Variants in NEK1 observed in about 807,000 individuals in gnomAD.
NEK1 encodes NIMA related kinase 1.
NEK1 carries 137 observed loss-of-function variants against 182.1 expected under a neutral mutation model. That is an observed-to-expected ratio of 0.75 (90% CI 0.65 to 0.87). The LOEUF (loss-of-function observed/expected upper bound fraction) is 0.87. NEK1 is among the 40% of genes least tolerant of loss of function. The pLI is 0.00. For missense variants in NEK1, 1,391 were observed against 1,494.4 expected, an observed-to-expected ratio of 0.93 and a Z score of 1.14; for synonymous variants, 513 against 492.2, an observed-to-expected ratio of 1.04 and a Z score of -0.56.
intron 26 of NEK1, among the ~76,000 whole-genome samples, chr4:169,471,628 T>C (rs1365844018): frequency 6.6e-6 from 1 of 152,180 alleles, no homozygotes; most frequent in African/African-American, 2.4e-5. Flanking sequence ...AGAGGCAGTC[T>C]GTCCCTTAGC....
chr4:169,480,415 C>T (rs1412489448), intron 23 of NEK1, among the ~76,000 whole-genome samples: 2 of 144,082 alleles, frequency 1.4e-5, no homozygotes, highest in Non-Finnish European at 3.0e-5. Context: ...TCAGAGCATA[C>T]AAAATTTATG....
chr4:169,507,894 T>G, intron 21 of NEK1, 102 bp from the exon 22 acceptor site: 1 of 898,956 alleles, frequency 1.1e-6, no homozygotes, highest in Non-Finnish European at 1.7e-6. Context: ...TCTAAAAATA[T>G]AAAATGGAAA....
chr4:169,559,404 C>A (rs943263929), intron 16 of NEK1, among the ~76,000 whole-genome samples: 71 of 152,104 alleles, frequency 4.7e-4, no homozygotes, highest in Middle Eastern at 3.4e-3. Context: ...GTAATAAGTT[C>A]TACTTAAAGG....
At chr4:169,418,864 A>C (rs886713892) in intron 31 of NEK1, among the ~76,000 whole-genome samples, 5 of 152,154 alleles carry the variant, frequency 3.3e-5, no homozygotes, top group Non-Finnish European at 7.4e-5. Flanking sequence ...ATTTAATGAA[A>C]AGTATAAACC....
At chr4:169,608,654 CACA>C (rs1334043930) in intron 2 of NEK1, among the ~76,000 whole-genome samples, 1 of 152,110 alleles carries the variant, frequency 6.6e-6, no homozygotes, top group Non-Finnish European at 1.5e-5. Context: ...GACCAAAAAA[CACA>C]ACAATCCAAA....
At chr4:169,479,006 T>C (rs1747486023) in intron 24 of NEK1, among the ~76,000 whole-genome samples, 1 of 152,172 alleles carries the variant, frequency 6.6e-6, no homozygotes, top group East Asian at 1.9e-4. Context: ...TTTGAATAAA[T>C]GTAAATATGT....
intron 27 of NEK1, among the ~76,000 whole-genome samples, chr4:169,460,287 T>C (rs1209786708): frequency 4.0e-5 from 6 of 151,312 alleles, no homozygotes; most frequent in African/African-American, 1.2e-4. Flanking sequence ...GTCACGATCA[T>C]GGCAGAAGGC....
intron 5 of NEK1, among the ~76,000 whole-genome samples, chr4:169,595,173 CT>C (rs1219125179): frequency 6.6e-6 from 1 of 152,118 alleles, no homozygotes; most frequent in Non-Finnish European, 1.5e-5. Flanking sequence ...TTCTTCAAGA[CT>C]TTTTTGTACA....
In NEK1 at chr4:169,612,451, AGCTACTTGACTGCCACGT is replaced by A. The variant is rs1411031597; in HGVS notation, c.-420_-403del. 1.3e-5 allele frequency: 2 copies of A among 152,260 alleles called. No homozygotes were observed. Among genetic ancestry groups the A allele is most frequent in the African/African-American group, 4.8e-5 (2 of 41,310 alleles). The allele number at this position is 152,260 out of a possible 1,614,324, so 9.4% of individuals were successfully genotyped here. On this transcript the variant is annotated 5_prime_UTR_variant, in exon 1 of 36. Coordinates refer to ENST00000507142, the MANE Select transcript of NEK1 (RefSeq NM_001199397.3). Reference sequence around the variant, plus strand: ...GGACGGGCGGCGTTCGGGACTGGGAAGCTACTTGACTGCCACGTGCTCCTGCCTCGCAACAGCGGCTCT... The same window carrying A: ...GGACGGGCGGCGTTCGGGACTGGGAAGCTCCTGCCTCGCAACAGCGGCTCT...
intron 18 of NEK1, among the ~76,000 whole-genome samples, chr4:169,542,552 T>G (rs1759637304): frequency 6.6e-6 from 1 of 152,214 alleles, no homozygotes; most frequent in Non-Finnish European, 1.5e-5. Context: ...GCATTTCTAG[T>G]TCTAGATCCT....
chr4:169,439,599 C>A (rs1268592096), intron 27 of NEK1, among the ~76,000 whole-genome samples: 1 of 152,062 alleles, frequency 6.6e-6, no homozygotes, highest in Admixed American at 6.6e-5. Context: ...GATACCATAT[C>A]GCATTATTAT....
In NEK1 at chr4:169,508,778, T is replaced by C; in HGVS notation, c.1740A>G (p.Lys580=). Residue 580 remains lysine (K), a synonymous_variant, in exon 20 of 36, where the codon AAA becomes AAG. Transcript: ENST00000507142. ...CATGCGGGAAGCATACCTCTTCCTCTTTGTTTCTTGGCTTCCCTCCTCTTG... is the reference window on the plus strand; with the variant it reads ...CATGCGGGAAGCATACCTCTTCCTCCTTGTTTCTTGGCTTCCCTCCTCTTG... ...SSSRGGKPRN[K]EEEVYLARLR... is the part of the protein sequence containing the mutation. 6.3e-7 allele frequency: 1 copy of C among 1,581,774 alleles called. No homozygotes were observed. Among genetic ancestry groups the C allele is most frequent in the Non-Finnish European group, 8.5e-7 (1 of 1,171,238 alleles).
intron 35 of NEK1, among the ~76,000 whole-genome samples, chr4:169,396,402 A>AAAAAAAAT (rs1730728991): frequency 6.8e-6 from 1 of 146,684 alleles, no homozygotes; most frequent in Non-Finnish European, 1.5e-5. Context: ...AAAAAGAAGA[A>AAAAAAAAT]TCTATAAACT....
At chr4:169,421,892 C>A (rs1735542937) in intron 31 of NEK1, among the ~76,000 whole-genome samples, 1 of 152,124 alleles carries the variant, frequency 6.6e-6, no homozygotes, top group African/African-American at 2.4e-5. Context: ...ACACTATCAA[C>A]CAATTTGACT....
chr4:169,487,733 C>A (rs1446440433), intron 23 of NEK1, among the ~76,000 whole-genome samples: 2 of 152,154 alleles, frequency 1.3e-5, no homozygotes, highest in African/African-American at 2.4e-5. Flanking sequence ...TTTGAGGAAT[C>A]CCCACACTGT....
chr4:169,434,543 C>G (rs962117426), intron 28 of NEK1, among the ~76,000 whole-genome samples: 2 of 152,160 alleles, frequency 1.3e-5, no homozygotes, highest in African/African-American at 4.8e-5. Flanking sequence ...GATGTTACCT[C>G]TGTTTTCTGG....
intron 5 of NEK1, among the ~76,000 whole-genome samples, chr4:169,597,327 G>C (rs1769679718): frequency 6.6e-6 from 1 of 152,066 alleles, no homozygotes. Flanking sequence ...GTCTGTGCCT[G>C]GCCAGAAATG....
intron 5 of NEK1, among the ~76,000 whole-genome samples, chr4:169,591,297 A>G (rs1768461485): frequency 6.6e-6 from 1 of 151,864 alleles, no homozygotes; most frequent in Admixed American, 6.6e-5. Context: ...GGTGCATGCC[A>G]CCACGAGCAG....
intron 23 of NEK1, among the ~76,000 whole-genome samples, chr4:169,486,300 C>T (rs796079322): frequency 3.3e-5 from 5 of 152,198 alleles, no homozygotes; most frequent in African/African-American, 1.2e-4. Flanking sequence ...CTTCACGTGT[C>T]AATTTTGCCA....
Sources: allele counts gnomAD v4.1 joint callset (sites outside exome capture counted in the v4.1 genomes callset), GRCh38; gene constraint gnomAD v4.1.1; transcripts MANE v1.5; gene names NCBI Gene and HGNC (gene_info 2026-07-23, HGNC 2026-07-21).